PRKCI: variants seen among roughly 807,000 people sequenced by gnomAD.
The protein encoded by PRKCI is protein kinase C iota, also known as protein kinase C iota type.
A neutral mutation model predicts 84.0 loss-of-function variants in PRKCI; 43 were observed. That is an observed-to-expected ratio of 0.51 (90% confidence interval 0.40 to 0.66). PRKCI has a LOEUF of 0.66. PRKCI is among the 30% of genes least tolerant of loss of function. The probability of loss-of-function intolerance (pLI) is 0.00; values close to 1 mark genes in which losing one functional copy is unlikely to be tolerated. For missense variants in PRKCI, 459 were observed against 745.6 expected, an observed-to-expected ratio of 0.62 and a Z score of 4.48; for synonymous variants, 216 against 234.4, an observed-to-expected ratio of 0.92 and a Z score of 0.72.
At chr3:170,243,063 C>CAT (rs1178094549) in intron 2 of PRKCI, among the ~76,000 whole-genome samples, 1 of 151,914 alleles carries the variant, frequency 6.6e-6, no homozygotes, top group African/African-American at 2.4e-5. Context: ...GTATAATTGA[C>CAT]ATATATATGT....
intron 12 of PRKCI, among the ~76,000 whole-genome samples, chr3:170,288,750 C>A (rs1005171855): frequency 6.6e-6 from 1 of 152,110 alleles, no homozygotes; most frequent in Non-Finnish European, 1.5e-5. Context: ...GAGTGAGACT[C>A]CGCCTCAAAA....
chr3:170,263,061 C>T (rs1222626586), intron 3 of PRKCI, among the ~76,000 whole-genome samples: 6 of 150,900 alleles, frequency 4.0e-5, no homozygotes, highest in East Asian at 2.0e-4. Context: ...CCCAGCTACA[C>T]GGGAGGCTGA....
At position 170,295,931 on chromosome 3, in the gene PRKCI, C is replaced by T. The variant is rs1388201066; in HGVS notation, c.1438C>T (p.Arg480Cys). 1.9e-6 allele frequency: 3 copies of T among 1,568,720 alleles called. No homozygotes were observed. Among genetic ancestry groups the T allele is most frequent in the Admixed American group, 1.7e-5 (1 of 57,370 alleles). Residue 480 changes from arginine (R) to cysteine (C), a missense_variant, in exon 15 of 18, where the codon CGC becomes TGC. Arg to Cys is a radical substitution (Grantham distance 180, BLOSUM62 -3). Coordinates refer to ENST00000295797, the MANE Select transcript of PRKCI (RefSeq NM_002740.6). ...TCTAGTTATTTTGGAAAAACAAATT[C>T]GCATACCACGTTCTCTGTCTGTAAA... ...LFQVILEKQIRIPRSLSVKAA... is the reference protein window; with the variant it reads ...LFQVILEKQICIPRSLSVKAA...
intron 1 of PRKCI, among the ~76,000 whole-genome samples, chr3:170,227,187 T>A (rs1006980299): frequency 1.3e-5 from 2 of 152,244 alleles, no homozygotes; most frequent in South Asian, 2.1e-4. Context: ...CTGTTTTTTT[T>A]ATGATTGAAA....
At chr3:170,251,149 C>T (rs1024679903) in intron 2 of PRKCI, among the ~76,000 whole-genome samples, 4 of 152,044 alleles carry the variant, frequency 2.6e-5, no homozygotes, top group African/African-American at 9.7e-5. Context: ...ACAAGAAACT[C>T]AATTGAGTGT....
chr3:170,223,396 A>C (rs1732546657), intron 1 of PRKCI, among the ~76,000 whole-genome samples: 1 of 152,206 alleles, frequency 6.6e-6, no homozygotes, highest in South Asian at 2.1e-4. Flanking sequence ...GTGTAAATCA[A>C]AATTTTGTGA....
intron 14 of PRKCI, among the ~76,000 whole-genome samples, chr3:170,294,337 T>G (rs180998194): frequency 1.3e-5 from 2 of 152,318 alleles, no homozygotes; most frequent in East Asian, 3.9e-4. Context: ...TGAAAACTAC[T>G]ATAAAATTCT....
In PRKCI at chr3:170,304,936, G is replaced by A. The variant is rs1357572690; in HGVS notation, c.*1809G>A. 2 of 152,068 alleles carry A rather than the reference G, an allele frequency of 1.3e-5. No individual in the cohort carries two copies. The highest frequency in any genetic ancestry group is 1.5e-5 in the Non-Finnish European group (1 of 68,010). 9.4% of individuals were successfully genotyped at this position (152,068 alleles called of 1,614,324 possible). A position where few individuals can be genotyped will look rare whatever the true frequency, so the allele number is the denominator to read the frequency against. ...GTGGATGCTGCATTTCATTGGAAAT[G>A]TCATTTTTCCAAAGTTTCTAGCTAT... On this transcript the variant is annotated 3_prime_UTR_variant, in exon 18 of 18. Coordinates refer to ENST00000295797, the MANE Select transcript of PRKCI (RefSeq NM_002740.6).
At chr3:170,282,240 T>C (rs1734266313) in intron 11 of PRKCI, among the ~76,000 whole-genome samples, 3 of 152,216 alleles carry the variant, frequency 2.0e-5, no homozygotes, top group African/African-American at 7.2e-5. Flanking sequence ...GGCAAACCTT[T>C]AGTCTGCTAA....
chr3:170,270,975 G>A (rs372649862), intron 6 of PRKCI, among the ~76,000 whole-genome samples: 2 of 151,276 alleles, frequency 1.3e-5, no homozygotes, highest in Admixed American at 6.6e-5. Flanking sequence ...GATTACTGGC[G>A]AGGAAAGCAT....
chr3:170,225,561 ACTTTT>A (rs998305771), intron 1 of PRKCI, among the ~76,000 whole-genome samples: 14 of 149,620 alleles, frequency 9.4e-5, no homozygotes, highest in East Asian at 5.8e-4. Context: ...ATCCCTCTAC[ACTTTT>A]CTTTTCTTTT....
At chr3:170,247,597 G>GTGC (rs896909823) in intron 2 of PRKCI, among the ~76,000 whole-genome samples, 16 of 151,790 alleles carry the variant, frequency 1.1e-4, no homozygotes, top group African/African-American at 3.9e-4. Flanking sequence ...GGGTGTGGTG[G>GTGC]TGCATGCCTG....
intron 3 of PRKCI, among the ~76,000 whole-genome samples, chr3:170,261,948 A>G (rs549724214): frequency 6.6e-6 from 1 of 152,324 alleles, no homozygotes; most frequent in South Asian, 2.1e-4. Context: ...ATGGTATTAA[A>G]CAGTCAGTTT....
intron 5 of PRKCI, 114 bp downstream of exon 5, chr3:170,268,114 T>C: frequency 1.3e-6 from 1 of 753,688 alleles, no homozygotes; most frequent in South Asian, 2.1e-5. Flanking sequence ...AATACATAAG[T>C]AGCATGACCT....
At chr3:170,229,787 A>G (rs922921729) in intron 1 of PRKCI, among the ~76,000 whole-genome samples, 5 of 152,226 alleles carry the variant, frequency 3.3e-5, no homozygotes, top group Admixed American at 6.5e-5. Flanking sequence ...TCTTAACAAC[A>G]GGACTAGTGA....
intron 14 of PRKCI, among the ~76,000 whole-genome samples, chr3:170,295,281 G>GGGA (rs1310333731): frequency 2.6e-5 from 4 of 152,074 alleles, no homozygotes; most frequent in Non-Finnish European, 5.9e-5. Context: ...CCAGCACTTT[G>GGGA]GGAGTCCAAG....
intron 8 of PRKCI, among the ~76,000 whole-genome samples, chr3:170,277,652 C>G (rs1734150524): frequency 2.0e-5 from 3 of 150,958 alleles, no homozygotes; most frequent in Admixed American, 2.0e-4. Flanking sequence ...AGAGACTGTA[C>G]CAGTGCACTC....
chr3:170,250,612 A>G (rs1733420896), intron 2 of PRKCI, among the ~76,000 whole-genome samples: 1 of 152,154 alleles, frequency 6.6e-6, no homozygotes, highest in Non-Finnish European at 1.5e-5. Flanking sequence ...ATGGGTGGAT[A>G]ATATTCCATT....
chr3:170,226,999 G>A (rs1732643340), intron 1 of PRKCI, among the ~76,000 whole-genome samples: 1 of 152,250 alleles, frequency 6.6e-6, no homozygotes, highest in Non-Finnish European at 1.5e-5. Context: ...AGCTGGAGTT[G>A]GAGGGAGAGT....
Sources: gnomAD v4.1 joint callset for allele counts (sites outside exome capture counted in the v4.1 genomes callset) on GRCh38, gnomAD v4.1.1 for gene constraint, MANE v1.5 for transcripts, NCBI Gene and HGNC (gene_info 2026-07-23, HGNC 2026-07-21) for gene names.